Variants in IMPACT observed in about 807,000 individuals in gnomAD.
IMPACT encodes impact RWD domain protein.
Under a neutral mutation model 47.5 loss-of-function variants are expected in IMPACT, and 35 were observed. The ratio of observed to expected loss-of-function variants is 0.74; its 90% confidence interval spans 0.56 to 0.98. The LOEUF (loss-of-function observed/expected upper bound fraction) is 0.98, where lower values mean the gene tolerates loss of function less well. Ranked by LOEUF, IMPACT falls within the 50% of genes least tolerant of loss-of-function variation. IMPACT has a pLI of 0.00. For missense variants in IMPACT, 373 were observed against 394.8 expected, an observed-to-expected ratio of 0.94 and a Z score of 0.47; for synonymous variants, 118 against 125.6, an observed-to-expected ratio of 0.94 and a Z score of 0.40.
At chr18:24,436,695 C>T (rs866279199) in intron 4 of IMPACT, among the ~76,000 whole-genome samples, 26 of 151,948 alleles carry the variant, frequency 1.7e-4, no homozygotes, top group African/African-American at 3.9e-4. Flanking sequence ...ATTACAGGCA[C>T]GCACCACCAC....
chr18:24,446,673 A>G (rs554237008), intron 8 of IMPACT, among the ~76,000 whole-genome samples: 43 of 152,272 alleles, frequency 2.8e-4, no homozygotes, highest in African/African-American at 9.6e-4. Context: ...AATATTACTA[A>G]TTTCACATCT....
intron 4 of IMPACT, among the ~76,000 whole-genome samples, chr18:24,431,977 C>T (rs1908769947): frequency 6.6e-6 from 1 of 152,132 alleles, no homozygotes; most frequent in Non-Finnish European, 1.5e-5. Flanking sequence ...GCTGGGATTA[C>T]AGGTGTGAGC....
At position 24,428,862 on chromosome 18, in the gene IMPACT, A is replaced by G. The variant is rs1489039363; in HGVS notation, c.166-7A>G. 3 of 1,609,550 alleles carry G rather than the reference A, an allele frequency of 1.9e-6. No individual in the cohort carries two copies. The highest frequency in any genetic ancestry group is 1.7e-5 in the Admixed American group (1 of 59,444). ...TGTAAACAGATGTTTTTGAACCTGC[A>G]TTGTAGGTGATGCTGCCGAATGAAT... On this transcript the variant is annotated splice_polypyrimidine_tract_variant and splice_region_variant and intron_variant, in intron 2 of 10. Transcript: ENST00000284202.
Position 24,426,720 on chromosome 18 carries a change from T to A in IMPACT, c.-37T>A. ...GCGCCCCGCCCCCGCGCTCCGGACC[T>A]GGCAGGCGGCGGCTGCAGGGCAGGT... is the stretch of plus-strand genomic sequence containing the variant. On this transcript the variant is annotated 5_prime_UTR_variant, in exon 1 of 11. Coordinates refer to ENST00000284202, the MANE Select transcript of IMPACT (RefSeq NM_018439.4). The A allele has an allele frequency of 1.3e-5, 16 of 1,243,610 alleles. No individual in the cohort carries two copies. The highest frequency in any genetic ancestry group is 1.6e-5 in the Non-Finnish European group (16 of 993,254). The allele number at this position is 1,243,610 out of a possible 1,614,324, so 77.0% of individuals were successfully genotyped here. A position where few individuals can be genotyped will look rare whatever the true frequency, so the allele number is the denominator to read the frequency against.
At chr18:24,440,343 T>C (rs1909067531) in intron 5 of IMPACT, among the ~76,000 whole-genome samples, 153 bp from the exon 6 acceptor site, 2 of 152,220 alleles carry the variant, frequency 1.3e-5, no homozygotes, top group South Asian at 2.1e-4. Flanking sequence ...GTTTCCTTGC[T>C]CCAACTCAGG....
chr18:24,453,422 T>G lies in IMPACT; in HGVS notation c.*2575T>G, dbSNP rs977649486. On this transcript the variant is annotated 3_prime_UTR_variant, in exon 11 of 11. Coordinates refer to ENST00000284202, the MANE Select transcript of IMPACT (RefSeq NM_018439.4). Reference sequence around the variant, plus strand: ...TTTTGTATATATGGTTATTTTTCTTTCCATAAAAATGGTATTAAACTGTAT... The same window carrying G: ...TTTTGTATATATGGTTATTTTTCTTGCCATAAAAATGGTATTAAACTGTAT... The G allele has an allele frequency of 2.6e-5, 4 of 152,202 alleles. No individual in the cohort carries two copies. The highest frequency in any genetic ancestry group is 4.8e-5 in the African/African-American group (2 of 41,472). The allele number at this position is 152,202 out of a possible 1,614,324, so 9.4% of individuals were successfully genotyped here.
chr18:24,437,116 A>G (rs1248348438), intron 4 of IMPACT, among the ~76,000 whole-genome samples: 5 of 152,166 alleles, frequency 3.3e-5, no homozygotes, highest in East Asian at 3.8e-4. Flanking sequence ...ATGAGTAGTG[A>G]TAAAGAGAGA....
chr18:24,450,872 A>ACC lies in IMPACT; in HGVS notation c.*25_*26insCC. The ACC allele has an allele frequency of 7.5e-7, 1 of 1,334,678 alleles. No homozygotes were observed. The highest frequency in any genetic ancestry group is 1.1e-6 in the Non-Finnish European group (1 of 929,654). 82.7% of individuals were successfully genotyped at this position (1,334,678 alleles called of 1,614,324 possible). The stretch of plus-strand genomic sequence containing the variant: ...ATACCTGAAACTATAGGAAAGGTTA[A>ACC]TTTGCCTATAATTATATATACATTC... On this transcript the variant is annotated 3_prime_UTR_variant, in exon 11 of 11. Coordinates refer to ENST00000284202, the MANE Select transcript of IMPACT (RefSeq NM_018439.4).
intron 5 of IMPACT, among the ~76,000 whole-genome samples, chr18:24,440,166 A>G (rs2144341815): frequency 2.0e-5 from 2 of 97,620 alleles, no homozygotes; most frequent in South Asian, 9.2e-4. Context: ...ATTTCAGTCC[A>G]TGGGTTAAAA....
At chr18:24,436,496 G>A (rs964152574) in intron 4 of IMPACT, among the ~76,000 whole-genome samples, 2 of 150,734 alleles carry the variant, frequency 1.3e-5, no homozygotes, top group African/African-American at 2.4e-5. Context: ...ATCCTCCTAC[G>A]GTGCTGAGAT....
rs892587890 is a variant in IMPACT at position 24,446,140 on chromosome 18, T to G, written c.668+674T>G. 7.2e-5 allele frequency among the ~76,000 whole-genome samples: 11 copies of G among 152,124 alleles called. No individual in the cohort carries two copies. The South Asian group carries it at 1.5e-3, about 20-fold the overall frequency. ...AAAAACCCTGTTGCCCAGGCTGGAG[T>G]ACAGGGGCGTGATCTTGGCCCAAGC... On this transcript the variant is annotated intron_variant, in intron 8 of 10. Coordinates refer to ENST00000284202, the MANE Select transcript of IMPACT (RefSeq NM_018439.4).
At chr18:24,430,671 G>A (rs1439894932) in intron 4 of IMPACT, among the ~76,000 whole-genome samples, 1 of 152,094 alleles carries the variant, frequency 6.6e-6, no homozygotes, top group Admixed American at 6.6e-5. Context: ...GGTTGAGATG[G>A]GAGGATTGCT....
chr18:24,440,737 T>C, intron 6 of IMPACT, 119 bp downstream of exon 6: 1 of 995,328 alleles, frequency 1.0e-6, no homozygotes, highest in Non-Finnish European at 1.4e-6. Context: ...AGTTATTAAT[T>C]TGCAGATAAG....
At chr18:24,446,007 G>C (rs1909239800) in intron 8 of IMPACT, among the ~76,000 whole-genome samples, 1 of 152,130 alleles carries the variant, frequency 6.6e-6, no homozygotes, top group Non-Finnish European at 1.5e-5. Flanking sequence ...AGAATTCTTA[G>C]AAGTAGAATT....
rs531538365 is a variant in IMPACT, at chr18:24,450,783, A to C, written c.899A>C (p.Glu300Ala). The C allele has an allele frequency of 2.9e-5, 46 of 1,606,708 alleles. No individual in the cohort carries two copies. In the African/African-American group the frequency reaches 3.9e-4, roughly 14 times the overall value. The change falls in exon 11 of 11, where the codon GAG becomes GCG. Residue 300 changes from glutamate to alanine, a missense_variant. Glu to Ala is a moderately radical substitution (Grantham distance 107). Coordinates refer to ENST00000284202, the MANE Select transcript of IMPACT (RefSeq NM_018439.4). ...VEKNYTNSPEESSKALGKNKK... is the reference protein window; with the variant it reads ...VEKNYTNSPEASSKALGKNKK... Reference sequence around the variant, plus strand: ...ACTGATTTGTGTCTTTTTCAGGAGGAGTCATCTAAGGCTTTGGGAAAGAAC... The same window carrying C: ...ACTGATTTGTGTCTTTTTCAGGAGGCGTCATCTAAGGCTTTGGGAAAGAAC...
intron 2 of IMPACT, among the ~76,000 whole-genome samples, 172 bp from the exon 3 acceptor site, chr18:24,428,697 T>TA (rs1908674447): frequency 6.6e-6 from 1 of 152,220 alleles, no homozygotes; most frequent in Non-Finnish European, 1.5e-5. Flanking sequence ...CAGAAAATAT[T>TA]ATAATGCCAC....
intron 8 of IMPACT, among the ~76,000 whole-genome samples, chr18:24,446,736 A>G (rs1157589607): frequency 6.6e-6 from 1 of 152,210 alleles, no homozygotes; most frequent in Non-Finnish European, 1.5e-5. Context: ...TCCCCTCTTA[A>G]TAGAGTATCA....
At chr18:24,445,539 A>G in intron 8 of IMPACT, 73 bp downstream of exon 8, 1 of 818,570 alleles carries the variant, frequency 1.2e-6, no homozygotes, top group Non-Finnish European at 1.9e-6. Flanking sequence ...GATTTTAGAA[A>G]ATAATAACTA....
chr18:24,448,363 G>T (rs992976099), intron 9 of IMPACT, among the ~76,000 whole-genome samples, 180 bp downstream of exon 9: 1 of 152,166 alleles, frequency 6.6e-6, no homozygotes. Flanking sequence ...GTGGATGTGG[G>T]ACAGAAAGCA....
Sources: allele counts gnomAD v4.1 joint callset (sites outside exome capture counted in the v4.1 genomes callset), GRCh38; gene constraint gnomAD v4.1.1; transcripts MANE v1.5; gene names NCBI Gene and HGNC (gene_info 2026-07-23, HGNC 2026-07-21).